SHROOM3: variants seen among roughly 807,000 people sequenced by gnomAD.
SHROOM3 encodes shroom family member 3, also known as protein Shroom3.
In SHROOM3, 47 loss-of-function variants were observed where a neutral mutation model predicts 138.6. The observed-to-expected ratio is 0.34, with a 90% CI of 0.27 to 0.43. SHROOM3 has a LOEUF of 0.43. Among genes scored for constraint, SHROOM3 ranks in the 20% least tolerant of loss-of-function variants. The pLI is 1.00. For synonymous variants in SHROOM3, 1,062 were observed against 1,063.3 expected (o/e 1.00, Z 0.02); for missense variants, 2,491 against 2,596.5 (o/e 0.96, Z 0.88).
chr4:76,461,770 G>A (rs1010823963), intron 1 of SHROOM3, among the ~76,000 whole-genome samples: 5 of 152,148 alleles, frequency 3.3e-5, no homozygotes, highest in East Asian at 1.9e-4. Context: ...TACTACATGC[G>A]AGATACTTGT....
chr4:76,723,895 T>C (rs537033766), intron 3 of SHROOM3, among the ~76,000 whole-genome samples: 1 of 152,372 alleles, frequency 6.6e-6, no homozygotes, highest in South Asian at 2.1e-4. Flanking sequence ...CTTTGTTTAA[T>C]AGTTTTTCTT....
intron 1 of SHROOM3, among the ~76,000 whole-genome samples, chr4:76,547,581 C>T (rs1733250023): frequency 6.6e-6 from 1 of 152,040 alleles, no homozygotes. Flanking sequence ...TCCCTGCCTT[C>T]GTGGGGCTGA....
At chr4:76,548,481 A>G (rs1044954455) in intron 1 of SHROOM3, among the ~76,000 whole-genome samples, 1 of 152,182 alleles carries the variant, frequency 6.6e-6, no homozygotes, top group Admixed American at 6.5e-5. Context: ...CTGTGCCTCA[A>G]AGCACCACGT....
In SHROOM3 at chr4:76,436,072, A is replaced by T; in HGVS notation, c.20A>T (p.Asp7Val). ...TTTGGCATGATGAGGACCACTGAAG[A>T]CTTCCACAAGCCTAGTGCCACATTA... MMRTTE[D>V]FHKPSATLNS... is the part of the protein sequence containing the mutation. Residue 7 changes from aspartate to valine, a missense_variant, in exon 1 of 11, where the codon GAC (aspartate) becomes GTC (valine). Around this residue, in one of 4 missense-constraint regions of SHROOM3, gnomAD observed 284 missense variants for 322.8 expected, o/e 0.88. Coordinates refer to ENST00000296043, the MANE Select transcript of SHROOM3 (RefSeq NM_020859.4). 6.2e-7 allele frequency: 1 copy of T among 1,613,990 alleles called. No individual in the cohort carries two copies. The highest frequency in any genetic ancestry group is 8.5e-7 in the Non-Finnish European group (1 of 1,179,938).
chr4:76,542,544 A>G (rs886955097), intron 1 of SHROOM3, among the ~76,000 whole-genome samples: 12 of 152,232 alleles, frequency 7.9e-5, no homozygotes, highest in African/African-American at 2.7e-4. Flanking sequence ...TCAAAATGGC[A>G]CAGAGTGAGA....
intron 5 of SHROOM3, among the ~76,000 whole-genome samples, chr4:76,743,038 C>T (rs1345704414): frequency 6.6e-6 from 1 of 152,092 alleles, no homozygotes; most frequent in Non-Finnish European, 1.5e-5. Context: ...TCTAATATGA[C>T]TAGTGAATGC....
intron 2 of SHROOM3, among the ~76,000 whole-genome samples, chr4:76,600,570 A>G (rs1377760169): frequency 6.6e-6 from 1 of 152,218 alleles, no homozygotes; most frequent in African/African-American, 2.4e-5. Flanking sequence ...TCAGCAGCTA[A>G]TAGCACCTAA....
intron 2 of SHROOM3, chr4:76,689,636 T>C: frequency 1.0e-6 from 1 of 985,284 alleles, no homozygotes; most frequent in Non-Finnish European, 1.2e-6. Flanking sequence ...GCGGCGAAGT[T>C]TGAACTTGGC....
intron 3 of SHROOM3, among the ~76,000 whole-genome samples, chr4:76,712,101 C>T (rs62300953): frequency 3.3e-5 from 5 of 152,068 alleles, no homozygotes; most frequent in East Asian, 1.9e-4. Context: ...CCACAGGGCC[C>T]GATAGGCTAA....
At chr4:76,512,134 C>A (rs1398657885) in intron 1 of SHROOM3, among the ~76,000 whole-genome samples, 1 of 151,992 alleles carries the variant, frequency 6.6e-6, no homozygotes, top group Non-Finnish European at 1.5e-5. Context: ...AATGGAAGGG[C>A]TAAAAAGATA....
At chr4:76,521,288 G>C (rs62300884) in intron 1 of SHROOM3, among the ~76,000 whole-genome samples, 1 of 151,770 alleles carries the variant, frequency 6.6e-6, no homozygotes, top group Non-Finnish European at 1.5e-5. Context: ...GTATATGTGT[G>C]TGTGTGCGCA....
At chr4:76,737,590 T>C (rs1721112539) in intron 4 of SHROOM3, among the ~76,000 whole-genome samples, 1 of 152,222 alleles carries the variant, frequency 6.6e-6, no homozygotes, top group Admixed American at 6.5e-5. Flanking sequence ...CACCAGCATT[T>C]GGTATTGTCA....
chr4:76,741,647 C>G lies in SHROOM3; in HGVS notation c.3474C>G (p.Ala1158=), dbSNP rs142653019. 7,781 of 1,546,488 alleles carry G rather than the reference C, an allele frequency of 5.0e-3. 34 individuals carry two copies. The highest frequency in any genetic ancestry group is 6.2e-3 in the Middle Eastern group (37 of 5,990). ...QPRREATLLP[A]TVAETQQAPR... ...GCAGGGAGGCCACGCTCCTGCCGGCCACAGTTGCAGAAACCCAGCAGGCTC... is the reference window on the plus strand; with the variant it reads ...GCAGGGAGGCCACGCTCCTGCCGGCGACAGTTGCAGAAACCCAGCAGGCTC... Residue 1158 remains alanine (A), a synonymous_variant, in exon 5 of 11, where the codon GCC becomes GCG. Coordinates refer to ENST00000296043, the MANE Select transcript of SHROOM3 (RefSeq NM_020859.4). This position sits in a 1 kb window ranked among gnomAD's most constrained non-coding sequence, Gnocchi z 6.2.
intron 2 of SHROOM3, among the ~76,000 whole-genome samples, chr4:76,658,861 C>T (rs1156436756): frequency 6.6e-6 from 1 of 152,116 alleles, no homozygotes; most frequent in Non-Finnish European, 1.5e-5. Context: ...CAGATACATA[C>T]CACACACAAA....
chr4:76,736,742 GTATA>G (rs556028582), intron 4 of SHROOM3, among the ~76,000 whole-genome samples: 26 of 152,218 alleles, frequency 1.7e-4, no homozygotes, highest in African/African-American at 6.0e-4. Flanking sequence ...CCCCGTGTGT[GTATA>G]TATATAGAGA....
intron 3 of SHROOM3, among the ~76,000 whole-genome samples, chr4:76,726,617 C>T (rs1455778755): frequency 1.3e-5 from 2 of 150,902 alleles, no homozygotes; most frequent in Non-Finnish European, 2.9e-5. Flanking sequence ...AGTCATTGCT[C>T]GCTACAGCTT....
chr4:76,490,089 CTGAT>C (rs1731818688), intron 1 of SHROOM3, among the ~76,000 whole-genome samples: 1 of 152,146 alleles, frequency 6.6e-6, no homozygotes, highest in Non-Finnish European at 1.5e-5. Context: ...TGCAATCAGT[CTGAT>C]TGGTTACAGA....
chr4:76,604,077 G>A (rs1399124183), intron 2 of SHROOM3, among the ~76,000 whole-genome samples: 1 of 151,720 alleles, frequency 6.6e-6, no homozygotes, highest in Non-Finnish European at 1.5e-5. Flanking sequence ...CGCCCACCTC[G>A]GCCTCCCAAA....
chr4:76,716,014 A>T (rs1720362153), intron 3 of SHROOM3: 1 of 204,058 alleles, frequency 4.9e-6, no homozygotes, highest in African/African-American at 2.3e-5. Context: ...TTCTATCATC[A>T]GATGATTTTC....
Sources: gnomAD v4.1 joint callset for allele counts (sites outside exome capture counted in the v4.1 genomes callset) on GRCh38, gnomAD v4.1.1 for gene constraint, gnomAD v4.1.1 regional missense constraint, Gnocchi (gnomAD v3.1) non-coding constraint, MANE v1.5 for transcripts, NCBI Gene and HGNC (gene_info 2026-07-23, HGNC 2026-07-21) for gene names.